The following TRAK1 variants were observed in gnomAD, a reference collection of about 807,000 sequenced individuals.
TRAK1 encodes the protein trafficking kinesin-binding protein 1.
In TRAK1, 33 loss-of-function variants were observed where a neutral mutation model predicts 92.1. The ratio of observed to expected loss-of-function variants is 0.36; its 90% CI spans 0.27 to 0.48. TRAK1 has a LOEUF of 0.48. Ranked by LOEUF, TRAK1 falls within the 20% of genes least tolerant of loss-of-function variation. The pLI, the probability that TRAK1 is intolerant of heterozygous loss-of-function variation, is 0.99. For synonymous variants in TRAK1, 521 were observed against 517.3 expected (o/e 1.01, Z -0.10); for missense variants, 1,123 against 1,257.9 (o/e 0.89, Z 1.62).
intron 1 of TRAK1, among the ~76,000 whole-genome samples, chr3:42,018,280 AAT>A (rs1428125782): frequency 4.0e-5 from 6 of 151,556 alleles, no homozygotes; most frequent in Non-Finnish European, 7.4e-5. Context: ...AAAAAAAAAA[AAT>A]ATTGCTGTCT....
chr3:42,030,404 A>G (rs964037057), intron 1 of TRAK1, among the ~76,000 whole-genome samples: 53 of 147,126 alleles, frequency 3.6e-4, no homozygotes, highest in African/African-American at 1.3e-3. Flanking sequence ...CGGGCGTGGT[A>G]GCTCACGTCT....
chr3:42,193,774 G>A (rs1205079245), intron 8 of TRAK1, 50 bp from the exon 9 acceptor site: 1 of 1,588,978 alleles, frequency 6.3e-7, no homozygotes, highest in Admixed American at 1.7e-5. Context: ...GGAAAAAGTT[G>A]GACTTTTACC....
intron 2 of TRAK1, chr3:42,149,327 C>T (rs1158653022): frequency 3.5e-6 from 5 of 1,428,862 alleles, no homozygotes; most frequent in Non-Finnish European, 4.6e-6. Context: ...GCTCCTCCTA[C>T]TCCCTCCTTC....
At chr3:42,049,602 C>T (rs76491719) in intron 1 of TRAK1, among the ~76,000 whole-genome samples, 4,784 of 152,062 alleles carry the variant, frequency 0.031, 99 homozygotes, top group Non-Finnish European at 0.045. Context: ...ATCTGGATAT[C>T]CTCTGGAATT....
chr3:42,133,123 C>T (rs192468639), intron 2 of TRAK1, among the ~76,000 whole-genome samples: 351 of 152,338 alleles, frequency 2.3e-3, no homozygotes, highest in Middle Eastern at 0.014. Context: ...TTGGACCCAG[C>T]AGCCTGGCTT....
At chr3:42,038,335 G>A (rs1702400652) in intron 1 of TRAK1, among the ~76,000 whole-genome samples, 1 of 152,142 alleles carries the variant, frequency 6.6e-6, no homozygotes, top group African/African-American at 2.4e-5. Flanking sequence ...AGATATTGGT[G>A]TTTTTTTGAG....
intron 1 of TRAK1, among the ~76,000 whole-genome samples, chr3:42,111,098 T>G (rs562067915): frequency 1.3e-5 from 2 of 152,094 alleles, no homozygotes; most frequent in Non-Finnish European, 2.9e-5. Context: ...CCATCTGGGA[T>G]CAGAGGGCAA....
intron 3 of TRAK1, among the ~76,000 whole-genome samples, chr3:42,181,434 C>T (rs1280149517): frequency 6.6e-6 from 1 of 152,142 alleles, no homozygotes; most frequent in Non-Finnish European, 1.5e-5. Context: ...GTCCCAGCTA[C>T]TTGGGAGGCT....
At chr3:42,167,785 C>T (rs1486654853) in intron 2 of TRAK1, among the ~76,000 whole-genome samples, 1 of 152,152 alleles carries the variant, frequency 6.6e-6, no homozygotes, top group Non-Finnish European at 1.5e-5. Context: ...GAGGCTGAGG[C>T]AGGAGAATGG....
intron 2 of TRAK1, among the ~76,000 whole-genome samples, chr3:42,161,051 AT>A (rs1701222609): frequency 6.6e-6 from 1 of 152,216 alleles, no homozygotes; most frequent in African/African-American, 2.4e-5. Flanking sequence ...TGAAATAAAG[AT>A]TTTTTAAATC....
chr3:42,182,727 C>T (rs1704191631), intron 3 of TRAK1, among the ~76,000 whole-genome samples: 1 of 152,200 alleles, frequency 6.6e-6, no homozygotes, highest in Non-Finnish European at 1.5e-5. Context: ...CCAGTCTTCT[C>T]AAACTGTACT....
chr3:42,188,628 A>G (rs1380603221), intron 5 of TRAK1, among the ~76,000 whole-genome samples: 1 of 152,232 alleles, frequency 6.6e-6, no homozygotes, highest in Admixed American at 6.5e-5. Context: ...TAACCTCTGT[A>G]CTTGTTTTGT....
chr3:42,171,972 C>G (rs112266874), intron 2 of TRAK1, among the ~76,000 whole-genome samples: 8 of 152,318 alleles, frequency 5.3e-5, no homozygotes, highest in African/African-American at 1.9e-4. Flanking sequence ...CTCCATCCCC[C>G]CTCTCCGTCC....
chr3:42,189,222 C>T, intron 6 of TRAK1, 98 bp downstream of exon 6: 1 of 874,430 alleles, frequency 1.1e-6, no homozygotes, highest in South Asian at 1.5e-5. Context: ...CTCCTCAAAG[C>T]TGGCAGTCTG....
At chr3:42,174,909 ATGAC>A (rs1703007730) in intron 2 of TRAK1, among the ~76,000 whole-genome samples, 2 of 151,840 alleles carry the variant, frequency 1.3e-5, no homozygotes, top group Admixed American at 6.6e-5. Context: ...TTATCTACAC[ATGAC>A]TGACTATCTG....
At chr3:42,146,642 A>G (rs1408394054) in intron 2 of TRAK1, among the ~76,000 whole-genome samples, 1 of 152,150 alleles carries the variant, frequency 6.6e-6, no homozygotes, top group Non-Finnish European at 1.5e-5. Flanking sequence ...GCAACTTTGA[A>G]GTCCTGGGCT....
At chr3:42,210,403 T>TTA in intron 14 of TRAK1, 2 of 1,077,890 alleles carry the variant, frequency 1.9e-6, no homozygotes, top group Non-Finnish European at 1.1e-6. Flanking sequence ...GAAAGGCTGC[T>TTA]AAAAAAAAAA....
intron 2 of TRAK1, among the ~76,000 whole-genome samples, chr3:42,139,624 C>T (rs1288828341): frequency 6.6e-6 from 1 of 152,218 alleles, no homozygotes; most frequent in African/African-American, 2.4e-5. Context: ...ACTTTGTCAC[C>T]TGTCACCTGC....
Position 42,218,531 on chromosome 3 carries a change from AT to A in TRAK1, c.1964-955del, listed in dbSNP as rs1334982794. On this transcript the variant is annotated intron_variant, in intron 14 of 15. Coordinates refer to ENST00000327628, the MANE Select transcript of TRAK1 (RefSeq NM_001042646.3). ...CATCTTTTTTTTTTATTTTATTATT[AT>A]TTTTTTTCCTGATGCTTGAGTTATG... 3.1e-6 allele frequency: 3 copies of A among 980,516 alleles called. 1 individual carries two copies. The highest frequency in any genetic ancestry group is 9.5e-5 in the South Asian group (2 of 21,158). The allele number at this position is 980,516 out of a possible 1,614,324, so 60.7% of individuals were successfully genotyped here. A position where few individuals can be genotyped will look rare whatever the true frequency, so the allele number is the denominator to read the frequency against.
Sources: gnomAD v4.1 joint callset for allele counts (sites outside exome capture counted in the v4.1 genomes callset) on GRCh38, gnomAD v4.1.1 for gene constraint, MANE v1.5 for transcripts, NCBI Gene and HGNC (gene_info 2026-07-23, HGNC 2026-07-21) for gene names.